The following PKNOX2 variants were observed in gnomAD, a reference collection of about 807,000 sequenced individuals.
PKNOX2 encodes the protein homeobox protein PKNOX2.
PKNOX2 carries 14 observed loss-of-function variants against 53.1 expected under a neutral mutation model. That is an observed-to-expected ratio of 0.26 (90% CI 0.17 to 0.41). The LOEUF (loss-of-function observed/expected upper bound fraction) is 0.41, where lower values mean the gene tolerates loss of function less well. Among genes scored for constraint, PKNOX2 ranks in the 10% least tolerant of loss-of-function variants. The pLI is 1.00. For missense variants in PKNOX2, 496 were observed against 602.8 expected (o/e 0.82, Z 1.85); for synonymous variants, 257 against 242.8 (o/e 1.06, Z -0.54).
chr11:125,232,497 T>C (rs945214741), intron 1 of PKNOX2, among the ~76,000 whole-genome samples: 1 of 152,214 alleles, frequency 6.6e-6, no homozygotes. Flanking sequence ...TTAAGTAACT[T>C]GCCCATGGTC....
intron 3 of PKNOX2, among the ~76,000 whole-genome samples, chr11:125,341,192 C>T (rs983427533): frequency 2.0e-5 from 3 of 151,224 alleles, no homozygotes; most frequent in African/African-American, 7.3e-5. Context: ...CCCCTCTTTA[C>T]TAAAAATACA....
chr11:125,331,533 G>C (rs1270446801), intron 2 of PKNOX2: 1 of 152,394 alleles, frequency 6.6e-6, no homozygotes, highest in African/African-American at 2.4e-5. Context: ...CACACTTGGG[G>C]GAGAGGGCCG....
intron 2 of PKNOX2, among the ~76,000 whole-genome samples, chr11:125,305,980 A>C (rs1948424375): frequency 6.6e-6 from 1 of 152,188 alleles, no homozygotes; most frequent in East Asian, 1.9e-4. Context: ...AAATACTGCC[A>C]TTCCCCAGAT....
Position 125,314,784 on chromosome 11 carries a change from T to C in PKNOX2, c.-129-17035T>C, listed in dbSNP as rs369441313. ...AAAAAACCTGGCAGAGATGTTCCGA[T>C]GAGGATGCTCCTTGGACCCAGCCCC... On this transcript the variant is annotated intron_variant, in intron 2 of 12. Transcript: ENST00000298282. 1.4e-3 allele frequency among the ~76,000 whole-genome samples: 217 copies of C among 152,102 alleles called. 1 individual carries two copies. The highest frequency in any genetic ancestry group is 5.0e-3 in the African/African-American group (208 of 41,510).
intron 2 of PKNOX2, among the ~76,000 whole-genome samples, chr11:125,286,317 C>G (rs537535000): frequency 6.6e-6 from 1 of 152,184 alleles, no homozygotes; most frequent in Non-Finnish European, 1.5e-5. Context: ...TTTAATAACT[C>G]AAATCATACC....
intron 2 of PKNOX2, among the ~76,000 whole-genome samples, chr11:125,304,501 G>A (rs1302251405): frequency 1.3e-5 from 2 of 152,248 alleles, no homozygotes; most frequent in Non-Finnish European, 2.9e-5. Flanking sequence ...GGAAGGGGAG[G>A]GCTCCCAGCC....
chr11:125,255,336 C>G (rs1006247881), intron 2 of PKNOX2, among the ~76,000 whole-genome samples: 2 of 152,172 alleles, frequency 1.3e-5, no homozygotes, highest in African/African-American at 2.4e-5. Context: ...TCCCTGAGCT[C>G]TAGCCTCGCT....
chr11:125,279,275 A>G (rs534624691), intron 2 of PKNOX2, among the ~76,000 whole-genome samples: 3 of 152,114 alleles, frequency 2.0e-5, no homozygotes, highest in African/African-American at 7.2e-5. Flanking sequence ...TATCTCCTGG[A>G]GGGGGCTTCT....
At position 125,398,019 on chromosome 11, in the gene PKNOX2, G is replaced by T; in HGVS notation, c.545G>T (p.Gly182Val). 1 of 1,613,728 alleles carries T rather than the reference G, an allele frequency of 6.2e-7. No homozygotes were observed. Among genetic ancestry groups the T allele is most frequent in the African/African-American group, 1.3e-5 (1 of 75,034 alleles). ...AACCTGCTCAGGAATGATCTAGGGG[G>T]GCCCTACTCCCCCAACCAGCCCTCC... Reference protein sequence around the residue: ...SDNLLRNDLGGPYSPNQPSIN... With the variant: ...SDNLLRNDLGVPYSPNQPSIN... The change falls in exon 7 of 13, where the codon GGG (glycine) becomes GTG (valine). Residue 182 changes from glycine (G) to valine (V), a missense_variant. By Grantham distance (109) the Gly-to-Val change is moderately radical. Around this residue, in one of 5 missense-constraint regions of PKNOX2, gnomAD observed 141 missense variants for 143.9 expected, o/e 0.98. Transcript: ENST00000298282.
chr11:125,353,103 T>G (rs1951406884), intron 4 of PKNOX2, among the ~76,000 whole-genome samples: 1 of 152,242 alleles, frequency 6.6e-6, no homozygotes, highest in Admixed American at 6.5e-5. Flanking sequence ...ACATATCGAT[T>G]AAGTGGTGGG....
intron 1 of PKNOX2, among the ~76,000 whole-genome samples, chr11:125,223,716 C>CA (rs113101573): frequency 0.011 from 1,592 of 149,980 alleles, 24 homozygotes; most frequent in African/African-American, 0.034. Flanking sequence ...GATTAAAAAA[C>CA]AAAAAAAAAC....
chr11:125,306,762 G>A (rs2135985112), intron 2 of PKNOX2, among the ~76,000 whole-genome samples: 1 of 152,350 alleles, frequency 6.6e-6, no homozygotes, highest in Middle Eastern at 3.4e-3. Flanking sequence ...CACAGCCGTG[G>A]AGGGGTCTGG....
chr11:125,410,293 C>A lies in PKNOX2; in HGVS notation c.686C>A (p.Ala229Asp). 6.2e-7 allele frequency: 1 copy of A among 1,614,070 alleles called. No homozygotes were observed. The highest frequency in any genetic ancestry group is 2.2e-5 in the East Asian group (1 of 44,860). ...TCAGCGCTCCAGCAGGGCAACATCG[C>A]CATGACAACCGTCAACTCACAAGTT... ...PASALQQGNI[A>D]MTTVNSQVVS... The change falls in exon 8 of 13, where the codon GCC becomes GAC. Residue 229 changes from alanine to aspartate, a missense_variant. By Grantham distance (126) the Ala-to-Asp change is moderately radical. Around this residue, in one of 5 missense-constraint regions of PKNOX2, gnomAD observed 141 missense variants for 143.9 expected, o/e 0.98. Transcript: ENST00000298282.
At position 125,240,911 on chromosome 11, in the gene PKNOX2, G is replaced by A. The variant is rs973966679; in HGVS notation, c.-130+5796G>A. On this transcript the variant is annotated intron_variant, in intron 2 of 12. Transcript: ENST00000298282. The surrounding 1 kb of genome is among the most constrained non-coding windows in gnomAD (Gnocchi z 4.3). The stretch of plus-strand genomic sequence containing the variant: ...TCCAGGGATAGTTGCATGGATCAAA[G>A]AGGAAAATACCTCATTAGACCCATT... 1.3e-5 allele frequency among the ~76,000 whole-genome samples: 2 copies of A among 152,196 alleles called. No homozygotes were observed. Among genetic ancestry groups the A allele is most frequent in the African/African-American group, 2.4e-5 (1 of 41,468 alleles).
chr11:125,300,946 G>GAGGTCTTA (rs1333834087), intron 2 of PKNOX2, among the ~76,000 whole-genome samples: 1 of 152,206 alleles, frequency 6.6e-6, no homozygotes, highest in Non-Finnish European at 1.5e-5. Context: ...GTCAGGAGAG[G>GAGGTCTTA]AGGTCTTAAG....
Position 125,429,075 on chromosome 11 carries a change from C to A in PKNOX2, c.1000C>A (p.Gln334Lys). The change falls in exon 11 of 13, where the codon CAA (glutamine) becomes AAA (lysine). Residue 334 changes from glutamine (Q) to lysine (K), a missense_variant. Coordinates refer to ENST00000298282, the MANE Select transcript of PKNOX2 (RefSeq NM_001382323.2). ...IAAQTNLTLL[Q>K]VNNWFINARR... Reference sequence around the variant, plus strand: ...AGCCCAGACCAACCTCACCCTCCTGCAAGTAAACAACTGGTGAGTTTGCAT... The same window carrying A: ...AGCCCAGACCAACCTCACCCTCCTGAAAGTAAACAACTGGTGAGTTTGCAT... The A allele has an allele frequency of 6.2e-7, 1 of 1,612,342 alleles. No individual in the cohort carries two copies. The highest frequency in any genetic ancestry group is 8.5e-7 in the Non-Finnish European group (1 of 1,178,378).
intron 1 of PKNOX2, among the ~76,000 whole-genome samples, chr11:125,210,904 T>C (rs1939768556): frequency 6.6e-6 from 1 of 152,132 alleles, no homozygotes; most frequent in African/African-American, 2.4e-5. Flanking sequence ...GGTTGAAACC[T>C]CCTTTCTATA....
At chr11:125,376,484 C>T (rs1180891384) in intron 5 of PKNOX2, among the ~76,000 whole-genome samples, 1 of 152,150 alleles carries the variant, frequency 6.6e-6, no homozygotes, top group Non-Finnish European at 1.5e-5. Context: ...TCTAAGACCT[C>T]ACCACCCTCT....
chr11:125,274,714 C>A (rs888945993), intron 2 of PKNOX2, among the ~76,000 whole-genome samples: 1 of 152,140 alleles, frequency 6.6e-6, no homozygotes, highest in Non-Finnish European at 1.5e-5. Flanking sequence ...CTCTTAGATG[C>A]TAAGCCTCCT....
Sources: allele counts gnomAD v4.1 joint callset (sites outside exome capture counted in the v4.1 genomes callset), GRCh38; gene constraint gnomAD v4.1.1; regional missense constraint gnomAD v4.1.1; non-coding constraint Gnocchi (gnomAD v3.1); transcripts MANE v1.5; gene names NCBI Gene and HGNC (gene_info 2026-07-23, HGNC 2026-07-21).